The following PDZD2 variants were observed in gnomAD, a reference collection of about 807,000 sequenced individuals.
PDZD2 encodes the protein PDZ domain-containing protein 2.
In PDZD2, 90 loss-of-function variants were observed where a neutral mutation model predicts 220.7. That is an observed-to-expected ratio of 0.41 (90% CI 0.34 to 0.49). The LOEUF (loss-of-function observed/expected upper bound fraction) is 0.49, where lower values mean the gene tolerates loss of function less well. PDZD2 is among the 20% of genes least tolerant of loss of function. The probability of loss-of-function intolerance (pLI) is 0.28; values close to 1 mark genes in which losing one functional copy is unlikely to be tolerated. For synonymous variants in PDZD2, 1,375 were observed against 1,450.5 expected, an observed-to-expected ratio of 0.95 and a Z score of 1.18; for missense variants, 3,174 against 3,608.5, an observed-to-expected ratio of 0.88 and a Z score of 3.08.
chr5:31,864,296 T>G (rs1737990612), intron 2 of PDZD2, among the ~76,000 whole-genome samples: 1 of 152,198 alleles, frequency 6.6e-6, no homozygotes, highest in East Asian at 1.9e-4. Flanking sequence ...TCCCTTCTGT[T>G]GTTGCTAGCC....
At chr5:31,836,664 T>A (rs1470842797) in intron 2 of PDZD2, among the ~76,000 whole-genome samples, 1 of 152,170 alleles carries the variant, frequency 6.6e-6, no homozygotes, top group Non-Finnish European at 1.5e-5. Flanking sequence ...AAAGGTTTTT[T>A]ATGATTCCCT....
At chr5:31,832,335 G>A (rs1055505803) in intron 2 of PDZD2, 11 of 152,186 alleles carry the variant, frequency 7.2e-5, no homozygotes, top group African/African-American at 2.7e-4. Context: ...CCCTGGAGAC[G>A]GGTAGTGGTG....
At chr5:32,046,381 T>A (rs975523028) in intron 7 of PDZD2, among the ~76,000 whole-genome samples, 3 of 152,168 alleles carry the variant, frequency 2.0e-5, no homozygotes, top group African/African-American at 7.2e-5. Flanking sequence ...TAGCTGGGAC[T>A]ACAGGTGCAC....
chr5:31,739,250 CAA>C (rs1160131693), intron 1 of PDZD2, among the ~76,000 whole-genome samples: 1 of 152,124 alleles, frequency 6.6e-6, no homozygotes, highest in Admixed American at 6.6e-5. Context: ...GCAATATGTG[CAA>C]AGAGTCTCAA....
chr5:31,860,523 A>G (rs531952279), intron 2 of PDZD2, among the ~76,000 whole-genome samples: 1 of 152,210 alleles, frequency 6.6e-6, no homozygotes, highest in Non-Finnish European at 1.5e-5. Context: ...ATGTCAGACC[A>G]TTGTGTTTAC....
In PDZD2 at chr5:32,101,162, G is replaced by A; in HGVS notation, c.8276G>A (p.Gly2759Glu). Residue 2759 changes from glycine (G) to glutamate (E), a missense_variant, in exon 24 of 25, where the codon GGG becomes GAG. Gly to Glu is a moderately conservative substitution (Grantham distance 98). This residue lies in a region of PDZD2 where 631 missense variants were observed against 789.9 expected (regional missense o/e 0.80). Transcript: ENST00000438447. ...GTTGAAGTGCTGAAGACCTCGGCTG[G>A]GCTGGGACTGAGTCTGGATGGGGGA... is the stretch of plus-strand genomic sequence containing the variant. ...LCVEVLKTSA[G>E]LGLSLDGGKS... The A allele has an allele frequency of 6.2e-7, 1 of 1,614,132 alleles. No individual in the cohort carries two copies. Among genetic ancestry groups the A allele is most frequent in the Non-Finnish European group, 8.5e-7 (1 of 1,179,972 alleles).
At chr5:32,047,652 G>A (rs1738109659) in intron 7 of PDZD2, among the ~76,000 whole-genome samples, 1 of 152,242 alleles carries the variant, frequency 6.6e-6, no homozygotes, top group Non-Finnish European at 1.5e-5. Context: ...AAAAAGTGTT[G>A]CCAAAAATCT....
chr5:31,898,415 G>A (rs1194377602), intron 2 of PDZD2, among the ~76,000 whole-genome samples: 4 of 152,174 alleles, frequency 2.6e-5, no homozygotes, highest in African/African-American at 7.2e-5. Flanking sequence ...ATGCTGACAC[G>A]CCCAGGGCAC....
chr5:31,753,394 C>T (rs937967243), intron 1 of PDZD2, among the ~76,000 whole-genome samples: 2 of 152,114 alleles, frequency 1.3e-5, no homozygotes, highest in Admixed American at 6.6e-5. Flanking sequence ...CTTTAGGTCA[C>T]GAGTTCAAGA....
In PDZD2 at chr5:31,745,859, G is replaced by A. The variant is rs182756326; in HGVS notation, c.-360-53030G>A. Among the ~76,000 whole-genome samples, 238 of 150,664 alleles carry A rather than the reference G, an allele frequency of 1.6e-3. 2 individuals are homozygous for A. Among genetic ancestry groups the A allele is most frequent in the Non-Finnish European group, 1.3e-3 (90 of 67,850 alleles). The stretch of plus-strand genomic sequence containing the variant: ...TTAAGAAATAATGGGTCTGTTCTAG[G>A]AAGCAGAATGTTAAATTTCAGCAGA... On this transcript the variant is annotated intron_variant, in intron 1 of 24. Coordinates refer to ENST00000438447, the MANE Select transcript of PDZD2 (RefSeq NM_178140.4).
chr5:31,737,885 T>A (rs1452070094), intron 1 of PDZD2, among the ~76,000 whole-genome samples: 1 of 152,200 alleles, frequency 6.6e-6, no homozygotes, highest in Non-Finnish European at 1.5e-5. Context: ...TTTCATTAAT[T>A]CTCATAAGAA....
intron 2 of PDZD2, among the ~76,000 whole-genome samples, chr5:31,810,818 G>A (rs1580802981): frequency 6.6e-6 from 1 of 152,192 alleles, no homozygotes; most frequent in South Asian, 2.1e-4. Context: ...TGCTATTTAA[G>A]GACCCAAATA....
intron 13 of PDZD2, among the ~76,000 whole-genome samples, chr5:32,059,780 GC>G (rs1458532279): frequency 2.0e-5 from 3 of 152,136 alleles, no homozygotes; most frequent in African/African-American, 7.2e-5. Context: ...TGAATAGGAG[GC>G]ATTTCTTATT....
Position 31,799,535 on chromosome 5 carries a change from A to T in PDZD2, c.287A>T (p.Tyr96Phe). The T allele has an allele frequency of 6.2e-7, 1 of 1,614,100 alleles. No individual in the cohort carries two copies. Among genetic ancestry groups the T allele is most frequent in the South Asian group, 1.1e-5 (1 of 91,072 alleles). Residue 96 changes from tyrosine (Y) to phenylalanine (F), a missense_variant, in exon 2 of 25, where the codon TAT becomes TTT. By Grantham distance (22) the Tyr-to-Phe change is conservative. This residue lies in a region of PDZD2 where 632 missense variants were observed against 708.1 expected (regional missense o/e 0.89). Transcript: ENST00000438447. ...GGGAACATCCCTGTTTTCGGGGACT[A>T]TGGTGAAAAGCGCAGGGGGGGCAAG... The part of the protein sequence containing the change: ...SFGNIPVFGD[Y>F]GEKRRGGKKR...
intron 5 of PDZD2, among the ~76,000 whole-genome samples, chr5:32,003,697 GTTTTTGTTTTTGT>G (rs1200018954): frequency 1.1e-4 from 17 of 151,938 alleles, no homozygotes; most frequent in East Asian, 3.9e-4. Flanking sequence ...TAGTTTTTTT[GTTTTTGTTTTTGT>G]TTTTTGTTTT....
intron 2 of PDZD2, among the ~76,000 whole-genome samples, chr5:31,817,965 ATTTTTTTT>A (rs368621112): frequency 8.9e-6 from 1 of 112,254 alleles, no homozygotes; most frequent in Non-Finnish European, 1.7e-5. Context: ...CACCTGGCCA[ATTTTTTTT>A]TTTTTTTTTT....
At chr5:32,093,095 C>G in intron 21 of PDZD2, 71 bp downstream of exon 21, 1 of 823,496 alleles carries the variant, frequency 1.2e-6, no homozygotes, top group Non-Finnish European at 2.1e-6. Flanking sequence ...TGCTGCCTGC[C>G]CAGACAGCCG....
intron 1 of PDZD2, among the ~76,000 whole-genome samples, chr5:31,672,037 G>T (rs576597713): frequency 6.6e-6 from 1 of 152,236 alleles, no homozygotes; most frequent in South Asian, 2.1e-4. Context: ...ACAGTAGGAG[G>T]TTTAGCAGCA....
intron 1 of PDZD2, among the ~76,000 whole-genome samples, chr5:31,699,634 C>T (rs1167254218): frequency 6.6e-6 from 1 of 152,072 alleles, no homozygotes; most frequent in African/African-American, 2.4e-5. Context: ...GACAGAGTCT[C>T]ATTCTGTCAC....
Sources: allele counts gnomAD v4.1 joint callset (sites outside exome capture counted in the v4.1 genomes callset), GRCh38; gene constraint gnomAD v4.1.1; regional missense constraint gnomAD v4.1.1; transcripts MANE v1.5; gene names NCBI Gene and HGNC (gene_info 2026-07-23, HGNC 2026-07-21).